Variants in ABHD12 observed in about 807,000 individuals in gnomAD.
ABHD12 encodes the protein lysophosphatidylserine lipase ABHD12.
Under a neutral mutation model 58.3 loss-of-function variants are expected in ABHD12, and 43 were observed. The ratio of observed to expected loss-of-function variants is 0.74; its 90% CI spans 0.58 to 0.95. The LOEUF (loss-of-function observed/expected upper bound fraction) is 0.95. ABHD12 is among the 40% of genes least tolerant of loss of function. The pLI is 0.00. For missense variants in ABHD12, 539 were observed against 537.2 expected (o/e 1.00, Z -0.03); for synonymous variants, 219 against 211.2 (o/e 1.04, Z -0.32).
intron 1 of ABHD12, among the ~76,000 whole-genome samples, chr20:25,377,842 C>G (rs1024443844): frequency 1.3e-5 from 2 of 152,134 alleles, no homozygotes; most frequent in Non-Finnish European, 2.9e-5. Context: ...GGATTACAGG[C>G]GTGTGCCACC....
intron 10 of ABHD12, 43 bp downstream of exon 10, chr20:25,306,790 T>C (rs1204948012): frequency 2.8e-6 from 4 of 1,427,338 alleles, no homozygotes; most frequent in Non-Finnish European, 3.9e-6. Flanking sequence ...GTTCTCAGAG[T>C]TTTTCTAAAT....
chr20:25,328,797 T>C (rs2089218432), intron 2 of ABHD12, among the ~76,000 whole-genome samples: 1 of 152,128 alleles, frequency 6.6e-6, no homozygotes, highest in Admixed American at 6.5e-5. Flanking sequence ...CTACTCTCCA[T>C]GAAAAGCATC....
chr20:25,362,610 G>A (rs868017358), intron 1 of ABHD12, among the ~76,000 whole-genome samples: 1 of 144,320 alleles, frequency 6.9e-6, no homozygotes, highest in South Asian at 2.4e-4. Context: ...GGGGAGGGGA[G>A]GGAAGGACAG....
chr20:25,302,368 C>T, intron 11 of ABHD12, 22 bp from the exon 12 acceptor site: 2 of 1,612,134 alleles, frequency 1.2e-6, no homozygotes, highest in Non-Finnish European at 1.7e-6. Flanking sequence ...GGGGTCAGAG[C>T]CTGAGGCAGT....
chr20:25,295,881 T>C (rs997388281), downstream of ABHD12, among the ~76,000 whole-genome samples: 1 of 152,190 alleles, frequency 6.6e-6, no homozygotes, highest in Non-Finnish European at 1.5e-5. Flanking sequence ...CAGCTCCTAA[T>C]GGCCAAGAAA....
At chr20:25,302,468 T>A (rs1467523318) in intron 11 of ABHD12, 122 bp from the exon 12 acceptor site, 1 of 1,335,588 alleles carries the variant, frequency 7.5e-7, no homozygotes, top group Non-Finnish European at 1.1e-6. Flanking sequence ...ATACACTGCT[T>A]GTTGCCACAG....
intron 1 of ABHD12, 35 bp downstream of exon 1, chr20:25,390,478 C>CCCCCCCCCCCCCCCCCCCCCCCCCA: frequency 8.6e-5 from 2 of 23,384 alleles, no homozygotes; most frequent in Non-Finnish European, 1.3e-4. Context: ...GAGGGACCGG[C>CCCCCCCCCCCCCCCCCCCCCCCCCA]CCCCCCCCCC....
chr20:25,317,387 C>G (rs1241561006), intron 4 of ABHD12, among the ~76,000 whole-genome samples: 2 of 152,216 alleles, frequency 1.3e-5, no homozygotes, highest in Non-Finnish European at 2.9e-5. Flanking sequence ...ACCCCAGACC[C>G]TCCCAGCTTC....
At chr20:25,382,099 A>C (rs755018497) in intron 1 of ABHD12, among the ~76,000 whole-genome samples, 6 of 152,234 alleles carry the variant, frequency 3.9e-5, no homozygotes, top group Non-Finnish European at 8.8e-5. Context: ...TCTTATCCCT[A>C]CATCACAGAT....
intron 1 of ABHD12, among the ~76,000 whole-genome samples, chr20:25,358,925 T>C (rs1369775568): frequency 6.6e-6 from 1 of 152,106 alleles, no homozygotes; most frequent in Non-Finnish European, 1.5e-5. Flanking sequence ...TAAAATCATA[T>C]GTGAAAATGC....
chr20:25,378,698 T>G (rs1235231610), intron 1 of ABHD12, among the ~76,000 whole-genome samples: 2 of 25,088 alleles, frequency 8.0e-5, no homozygotes, highest in East Asian at 5.3e-4. Flanking sequence ...TAATTTGAAC[T>G]TTTTTTTTTT....
At chr20:25,368,952 C>G (rs1167415208) in intron 1 of ABHD12, among the ~76,000 whole-genome samples, 1 of 152,056 alleles carries the variant, frequency 6.6e-6, no homozygotes, top group South Asian at 2.1e-4. Flanking sequence ...TTTAGACCCT[C>G]TTTCTATCAA....
At chr20:25,317,753 A>C (rs1286131321) in intron 4 of ABHD12, among the ~76,000 whole-genome samples, 1 of 152,178 alleles carries the variant, frequency 6.6e-6, no homozygotes, top group African/African-American at 2.4e-5. Context: ...TGGGCTCGGC[A>C]CACACCCTCC....
chr20:25,326,275 C>G (rs2089176350), intron 2 of ABHD12, among the ~76,000 whole-genome samples: 1 of 152,006 alleles, frequency 6.6e-6, no homozygotes, highest in Non-Finnish European at 1.5e-5. Flanking sequence ...GTTATTTTAC[C>G]AAGGCTTTGA....
chr20:25,357,763 C>T (rs1427449633), intron 1 of ABHD12, among the ~76,000 whole-genome samples: 1 of 152,154 alleles, frequency 6.6e-6, no homozygotes, highest in African/African-American at 2.4e-5. Context: ...GTAATCCCAG[C>T]ACTTTGGAAG....
chr20:25,316,695 T>C lies in ABHD12; in HGVS notation c.573+353A>G, dbSNP rs183890001. Among the ~76,000 whole-genome samples, 3 of 152,156 alleles carry C rather than the reference T, an allele frequency of 2.0e-5. No homozygotes were observed. The East Asian group carries it at 5.8e-4, about 29-fold the overall frequency. On this transcript the variant is annotated intron_variant, in intron 5 of 12. Transcript: ENST00000339157. ...TCAACACGCCTGTCATCCCAACACT[T>C]TGGGAGGCCAAGGTGGGAGGCCCAG...
At chr20:25,305,241 C>G (rs544912970) in intron 10 of ABHD12, among the ~76,000 whole-genome samples, 180 of 152,266 alleles carry the variant, frequency 1.2e-3, no homozygotes, top group African/African-American at 4.2e-3. Context: ...AATATTTGTT[C>G]AACTTTTAAT....
chr20:25,341,847 C>T lies in ABHD12; in HGVS notation c.192-2496G>A, dbSNP rs556795131. Among the ~76,000 whole-genome samples, 7 of 152,250 alleles carry T rather than the reference C, an allele frequency of 4.6e-5. No individual in the cohort carries two copies. In the East Asian group the frequency reaches 1.4e-3, roughly 29 times the overall value. On this transcript the variant is annotated intron_variant, in intron 1 of 12. Transcript: ENST00000339157. ...AGCCCATTAAAAAGAAAAAAGCCTG[C>T]AATCAAGTGTGCCACCACTTCAATG...
intron 1 of ABHD12, among the ~76,000 whole-genome samples, chr20:25,359,226 C>T (rs947125150): frequency 9.9e-5 from 15 of 151,212 alleles, no homozygotes; most frequent in Non-Finnish European, 1.9e-4. Context: ...TCGAGACCAT[C>T]CTGGCTAACA....
Sources: gnomAD v4.1 joint callset for allele counts (sites outside exome capture counted in the v4.1 genomes callset) on GRCh38, gnomAD v4.1.1 for gene constraint, MANE v1.5 for transcripts, NCBI Gene and HGNC (gene_info 2026-07-23, HGNC 2026-07-21) for gene names.